TRIP11: variants seen among roughly 807,000 people sequenced by gnomAD.
The protein encoded by TRIP11 is thyroid hormone receptor interactor 11.
A neutral mutation model predicts 223.1 loss-of-function variants in TRIP11; 148 were observed. That is an observed-to-expected ratio of 0.66 (90% confidence interval 0.58 to 0.76). The LOEUF (loss-of-function observed/expected upper bound fraction) is 0.76, where lower values mean the gene tolerates loss of function less well. Ranked by LOEUF, TRIP11 falls within the 30% of genes least tolerant of loss-of-function variation. The pLI is 0.00. For missense variants in TRIP11, 2,043 were observed against 2,222.0 expected (o/e 0.92, Z 1.62); for synonymous variants, 762 against 772.6 (o/e 0.99, Z 0.23).
At chr14:92,000,828 G>A (rs1367002215) in intron 11 of TRIP11, among the ~76,000 whole-genome samples, 1 of 151,678 alleles carries the variant, frequency 6.6e-6, no homozygotes, top group Non-Finnish European at 1.5e-5. Context: ...GCACAAAAAC[G>A]TGTCAGGCTG....
At position 91,972,676 on chromosome 14, in the gene TRIP11, TC is replaced by T. The variant is rs747523321; in HGVS notation, c.5719+40del. Reference sequence around the variant, plus strand: ...TGAAACATAATCATACATTAAACATTCAATTTTCAAATTATAGAAAAATTAA... The same window carrying T: ...TGAAACATAATCATACATTAAACATTAATTTTCAAATTATAGAAAAATTAA... On this transcript the variant is annotated intron_variant, in intron 20 of 20. Transcript: ENST00000267622. The T allele has an allele frequency of 4.4e-6, 7 of 1,574,026 alleles. No individual in the cohort carries two copies. In the South Asian group the frequency reaches 5.8e-5, roughly 13 times the overall value.
chr14:92,004,441 T>C lies in TRIP11; in HGVS notation c.3535A>G (p.Lys1179Glu), dbSNP rs997769897. ...AAAACTGCCAATAAAGTCTGACATT[T>C]CTGACTTAGTGCATCTATTTCGATG... ...KDIEIDALSQKCQTLLAVLQT... is the reference protein window; with the variant it reads ...KDIEIDALSQECQTLLAVLQT... The change falls in exon 11 of 21, where the codon AAA becomes GAA. Residue 1179 changes from lysine to glutamate, a missense_variant. Lys to Glu is a moderately conservative substitution (Grantham distance 56). Transcript: ENST00000267622. 2 of 1,613,816 alleles carry C rather than the reference T, an allele frequency of 1.2e-6. No homozygotes were observed. The highest frequency in any genetic ancestry group is 2.7e-5 in the African/African-American group (2 of 74,942).
intron 19 of TRIP11, among the ~76,000 whole-genome samples, chr14:91,973,441 T>A (rs2056424731): frequency 6.6e-6 from 1 of 152,226 alleles, no homozygotes; most frequent in Non-Finnish European, 1.5e-5. Flanking sequence ...CAACTGATAA[T>A]ACTTATTTTT....
chr14:91,991,408 A>G (rs1028304143), intron 15 of TRIP11, among the ~76,000 whole-genome samples: 1 of 152,220 alleles, frequency 6.6e-6, no homozygotes, highest in African/African-American at 2.4e-5. Flanking sequence ...TCAGCACAAA[A>G]TGGACTAAGA....
In TRIP11 at chr14:92,039,978, T is replaced by G. The variant is rs2057367180; in HGVS notation, c.-293A>C. 2.0e-6 allele frequency: 1 copy of G among 511,450 alleles called. No homozygotes were observed. Among genetic ancestry groups the G allele is most frequent in the African/African-American group, 1.9e-5 (1 of 52,444 alleles). 31.7% of individuals were successfully genotyped at this position (511,450 alleles called of 1,614,324 possible). On this transcript the variant is annotated 5_prime_UTR_variant, in exon 1 of 21. Transcript: ENST00000267622. ...TGGGCCACTTCTTTCTCAGCTCTAA[T>G]GACTTTCCTCAGTTCCGTGGGTTAC...
chr14:91,987,861 A>C (rs1207150962), intron 16 of TRIP11, among the ~76,000 whole-genome samples: 2 of 152,230 alleles, frequency 1.3e-5, no homozygotes, highest in Non-Finnish European at 2.9e-5. Context: ...TACAATCATA[A>C]AAATCTAGCT....
intron 16 of TRIP11, among the ~76,000 whole-genome samples, chr14:91,981,372 C>T (rs56368249): frequency 0.031 from 4,674 of 148,512 alleles, 201 homozygotes; most frequent in African/African-American, 0.1. Context: ...TTAAGCTTTA[C>T]AAGCATCTGT....
intron 15 of TRIP11, 112 bp downstream of exon 15, chr14:91,993,697 G>A (rs775412564): frequency 2.3e-6 from 2 of 859,430 alleles, no homozygotes; most frequent in South Asian, 3.0e-5. Context: ...CTGGATTCAG[G>A]GTAGAAAATT....
chr14:92,029,963 C>T (rs556280219), intron 2 of TRIP11, among the ~76,000 whole-genome samples: 182 of 151,920 alleles, frequency 1.2e-3, no homozygotes, highest in African/African-American at 4.1e-3. Flanking sequence ...TTTGGGAGGC[C>T]GAGGCGGGCG....
chr14:92,011,732 A>G lies in TRIP11; in HGVS notation c.1227+23T>C, dbSNP rs985715334. On this transcript the variant is annotated intron_variant, in intron 8 of 20. Coordinates refer to ENST00000267622, the MANE Select transcript of TRIP11 (RefSeq NM_004239.4). ...CTGCTTCCACTGTCTCTATGCACATAACATTTGTCAAAATTAATTTACCTG... is the reference window on the plus strand; with the variant it reads ...CTGCTTCCACTGTCTCTATGCACATGACATTTGTCAAAATTAATTTACCTG... The G allele has an allele frequency of 5.6e-6, 9 of 1,605,094 alleles. No homozygotes were observed. In the Admixed American group the frequency reaches 1.3e-4, roughly 24 times the overall value.
At position 92,039,812 on chromosome 14, in the gene TRIP11, G is replaced by T; in HGVS notation, c.-127C>A. The T allele has an allele frequency of 6.5e-7, 1 of 1,543,008 alleles. No homozygotes were observed. Among genetic ancestry groups the T allele is most frequent in the Non-Finnish European group, 8.8e-7 (1 of 1,142,748 alleles). ...GACAGGATACGATAACACAAAGCTGGGTTCTCAGGCAAGGCCGACTCCAGG... is the reference window on the plus strand; with the variant it reads ...GACAGGATACGATAACACAAAGCTGTGTTCTCAGGCAAGGCCGACTCCAGG... On this transcript the variant is annotated 5_prime_UTR_variant, in exon 1 of 21. Coordinates refer to ENST00000267622, the MANE Select transcript of TRIP11 (RefSeq NM_004239.4).
chr14:91,985,168 T>C (rs1429961575), intron 16 of TRIP11, among the ~76,000 whole-genome samples: 1 of 152,186 alleles, frequency 6.6e-6, no homozygotes, highest in Non-Finnish European at 1.5e-5. Flanking sequence ...AAATATGCCC[T>C]GTCTTATGAT....
Position 92,011,776 on chromosome 14 carries a change from C to T in TRIP11, c.1206G>A (p.Met402Ile), listed in dbSNP as rs1566864291. The T allele has an allele frequency of 6.2e-7, 1 of 1,611,940 alleles. No individual in the cohort carries two copies. The highest frequency in any genetic ancestry group is 8.5e-7 in the Non-Finnish European group (1 of 1,179,356). Residue 402 changes from methionine (M) to isoleucine (I), a missense_variant, in exon 8 of 21, where the codon ATG (methionine) becomes ATA (isoleucine). By Grantham distance (10) the Met-to-Ile change is conservative (BLOSUM62 1). Coordinates refer to ENST00000267622, the MANE Select transcript of TRIP11 (RefSeq NM_004239.4). ...TTACCTGGTTTAAACTACTCAATCT[C>T]ATTATTTCATTTTCGGCATCTGTAA... ...QALSDAENEIMRLSSLNQDNS... is the reference protein window; with the variant it reads ...QALSDAENEIIRLSSLNQDNS...
In TRIP11 at chr14:91,972,879, G is replaced by T; in HGVS notation, c.5575-18C>A. Reference sequence around the variant, plus strand: ...GAAAAAGACTAAGAAAAAATATTTTGGTTATATTAGGCTAGATAATTAAGT... The same window carrying T: ...GAAAAAGACTAAGAAAAAATATTTTTGTTATATTAGGCTAGATAATTAAGT... On this transcript the variant is annotated intron_variant, in intron 19 of 20. Transcript: ENST00000267622. The T allele has an allele frequency of 6.3e-7, 1 of 1,592,838 alleles. No homozygotes were observed. Among genetic ancestry groups the T allele is most frequent in the Middle Eastern group, 1.8e-4 (1 of 5,516 alleles).
At chr14:92,035,878 G>A (rs770097775) in intron 1 of TRIP11, among the ~76,000 whole-genome samples, 17 of 152,116 alleles carry the variant, frequency 1.1e-4, no homozygotes, top group Non-Finnish European at 2.2e-4. Context: ...GTGAGCCACC[G>A]CGCCCAGCCA....
intron 9 of TRIP11, among the ~76,000 whole-genome samples, chr14:92,008,966 A>G (rs184556884): frequency 2.8e-4 from 42 of 152,332 alleles, no homozygotes; most frequent in Non-Finnish European, 5.1e-4. Context: ...CAACATTGCT[A>G]TGGAGAGTTG....
At chr14:92,000,965 G>A (rs111814716) in intron 11 of TRIP11, among the ~76,000 whole-genome samples, 5,444 of 151,434 alleles carry the variant, frequency 0.036, 312 homozygotes, top group African/African-American at 0.11. Flanking sequence ...GGTTCAAGCA[G>A]TTCTCGTGCC....
At chr14:92,009,223 G>C (rs1401896383) in intron 9 of TRIP11, among the ~76,000 whole-genome samples, 4 of 151,972 alleles carry the variant, frequency 2.6e-5, no homozygotes, top group African/African-American at 7.3e-5. Flanking sequence ...TTGTAGATAT[G>C]GTGTCTCACT....
At chr14:91,969,975 G>C (rs2056381769) in intron 20 of TRIP11, 82 bp from the exon 21 acceptor site, 1 of 1,288,392 alleles carries the variant, frequency 7.8e-7, no homozygotes, top group South Asian at 1.3e-5. Context: ...ATAGCATAAA[G>C]TTATCTGTGT....
Sources: gnomAD v4.1 joint callset for allele counts (sites outside exome capture counted in the v4.1 genomes callset) on GRCh38, gnomAD v4.1.1 for gene constraint, MANE v1.5 for transcripts, NCBI Gene and HGNC (gene_info 2026-07-23, HGNC 2026-07-21) for gene names.